The following SCG5 variants were observed in gnomAD, a reference collection of about 807,000 sequenced individuals.
SCG5 encodes the protein neuroendocrine protein 7B2.
In SCG5, 18 loss-of-function variants were observed where a neutral mutation model predicts 25.7. The ratio of observed to expected loss-of-function variants is 0.70; its 90% CI spans 0.48 to 1.04. The LOEUF is 1.04. Among genes scored for constraint, SCG5 ranks in the 50% least tolerant of loss-of-function variants. SCG5 has a pLI of 0.00. For synonymous variants in SCG5, 101 were observed against 91.7 expected (o/e 1.10, Z -0.58); for missense variants, 206 against 259.8 (o/e 0.79, Z 1.42).
At chr15:32,694,456 TTAA>T (rs1320404993) in intron 5 of SCG5, among the ~76,000 whole-genome samples, 1 of 152,230 alleles carries the variant, frequency 6.6e-6, no homozygotes, top group African/African-American at 2.4e-5. Context: ...CTGTATCTTG[TTAA>T]TATTTGAGCT....
rs2054257907 is a variant in SCG5 at position 32,663,067 on chromosome 15, AT to A, written c.227-16698del. 4.6e-4 allele frequency among the ~76,000 whole-genome samples: 24 copies of A among 52,380 alleles called. 1 individual carries two copies. Among genetic ancestry groups the A allele is most frequent in the South Asian group, 3.4e-3 (5 of 1,460 alleles). The allele number at this position is 52,380 out of a possible 152,430, so 34.4% of individuals were successfully genotyped here. A position where few individuals can be genotyped will look rare whatever the true frequency, so the allele number is the denominator to read the frequency against. ...TATATATATATATATATATATATAT[AT>A]ATATATATATAATATATAATATGTT... On this transcript the variant is annotated intron_variant, in intron 2 of 5. Coordinates refer to ENST00000300175, the MANE Select transcript of SCG5 (RefSeq NM_001144757.3).
At chr15:32,679,338 G>T (rs1461243310) in intron 2 of SCG5, among the ~76,000 whole-genome samples, 1 of 152,136 alleles carries the variant, frequency 6.6e-6, no homozygotes, top group Non-Finnish European at 1.5e-5. Flanking sequence ...GGGATTACAG[G>T]CACCTGCCAC....
intron 2 of SCG5, among the ~76,000 whole-genome samples, chr15:32,645,804 T>C (rs1428208461): frequency 1.3e-5 from 2 of 152,176 alleles, no homozygotes; most frequent in Non-Finnish European, 2.9e-5. Context: ...CTTGGAATAA[T>C]GTGCTTAACA....
At chr15:32,689,392 C>CTAT (rs1387566993) in intron 4 of SCG5, among the ~76,000 whole-genome samples, 1 of 152,106 alleles carries the variant, frequency 6.6e-6, no homozygotes, top group Non-Finnish European at 1.5e-5. Context: ...ACCTAATTAG[C>CTAT]TATTCCATCT....
intron 4 of SCG5, among the ~76,000 whole-genome samples, chr15:32,689,265 T>C (rs1057376148): frequency 6.6e-6 from 1 of 152,206 alleles, no homozygotes. Context: ...ATGCATATTA[T>C]TATGTATTCT....
At chr15:32,682,978 C>T (rs2054646513) in intron 3 of SCG5, among the ~76,000 whole-genome samples, 1 of 152,178 alleles carries the variant, frequency 6.6e-6, no homozygotes, top group African/African-American at 2.4e-5. Flanking sequence ...AGGGCCCACT[C>T]AGAGGTACAC....
chr15:32,695,294 C>T (rs550431105), intron 5 of SCG5, among the ~76,000 whole-genome samples: 7 of 152,234 alleles, frequency 4.6e-5, no homozygotes, highest in Admixed American at 3.3e-4. Context: ...GGATTACAGG[C>T]GTGAGCCACC....
At chr15:32,688,642 G>T (rs28417809) in intron 4 of SCG5, among the ~76,000 whole-genome samples, 19,936 of 152,106 alleles carry the variant, frequency 0.13, 1,771 homozygotes, top group East Asian at 0.43. Context: ...TGCCCTCCAG[G>T]TTTCTCTGGT....
chr15:32,663,348 A>G (rs1365062491), intron 2 of SCG5, among the ~76,000 whole-genome samples: 1 of 151,806 alleles, frequency 6.6e-6, no homozygotes, highest in Non-Finnish European at 1.5e-5. Context: ...CAGACCCTGG[A>G]AACCACTACT....
At position 32,696,716 on chromosome 15, in the gene SCG5, T is replaced by C; in HGVS notation, c.*107T>C. 1 of 684,728 alleles carries C rather than the reference T, an allele frequency of 1.5e-6. No homozygotes were observed. The highest frequency in any genetic ancestry group is 2.7e-5 in the East Asian group (1 of 36,784). 42.4% of individuals were successfully genotyped at this position (684,728 alleles called of 1,614,324 possible). ...AATGACAGCATGTTTCTTACATAGA[T>C]AATTATGGATACAAAGCAGCTGTAT... On this transcript the variant is annotated 3_prime_UTR_variant, in exon 6 of 6. Coordinates refer to ENST00000300175, the MANE Select transcript of SCG5 (RefSeq NM_001144757.3).
chr15:32,672,607 G>A (rs2054450258), intron 2 of SCG5, among the ~76,000 whole-genome samples: 1 of 144,550 alleles, frequency 6.9e-6, no homozygotes, highest in Admixed American at 7.2e-5. Context: ...CAGGTACCCC[G>A]ACAGGTCATT....
intron 2 of SCG5, among the ~76,000 whole-genome samples, chr15:32,661,740 C>T (rs753813699): frequency 1.2e-4 from 18 of 152,156 alleles, no homozygotes; most frequent in Non-Finnish European, 2.4e-4. Flanking sequence ...TGCCATCACA[C>T]ACTCGGAGGG....
intron 2 of SCG5, among the ~76,000 whole-genome samples, chr15:32,667,801 T>A (rs2054346615): frequency 6.6e-6 from 1 of 151,654 alleles, no homozygotes; most frequent in South Asian, 2.1e-4. Context: ...GCCTTTCGAG[T>A]AACTGGGACT....
At chr15:32,692,158 GA>G in intron 5 of SCG5, 2 of 1,042,966 alleles carry the variant, frequency 1.9e-6, no homozygotes, top group Non-Finnish European at 2.3e-6. Flanking sequence ...ACACAGGACA[GA>G]AACAGGGAAG....
intron 2 of SCG5, among the ~76,000 whole-genome samples, chr15:32,667,927 G>A (rs544385735): frequency 2.0e-5 from 3 of 152,188 alleles, no homozygotes; most frequent in South Asian, 2.1e-4. Context: ...CACCCGCTTC[G>A]GCCTCCCAAA....
chr15:32,643,570 G>A lies in SCG5; in HGVS notation c.-7-16G>A. The A allele has an allele frequency of 6.4e-7, 1 of 1,563,974 alleles. No homozygotes were observed. Among genetic ancestry groups the A allele is most frequent in the Middle Eastern group, 1.7e-4 (1 of 5,954 alleles). ...GATTGTAGCCTATCAGTATACATTT[G>A]GTCTTTTATCTGCAGGTTGACAATG... On this transcript the variant is annotated splice_polypyrimidine_tract_variant and intron_variant, in intron 1 of 5. Coordinates refer to ENST00000300175, the MANE Select transcript of SCG5 (RefSeq NM_001144757.3).
At chr15:32,666,541 G>A (rs550874006) in intron 2 of SCG5, 1 of 152,308 alleles carries the variant, frequency 6.6e-6, no homozygotes, top group African/African-American at 2.4e-5. Context: ...GTTTGTACCA[G>A]TTAATCTTCT....
In SCG5 at chr15:32,674,520, G is replaced by A. The variant is rs534032905; in HGVS notation, c.227-5246G>A. Among the ~76,000 whole-genome samples, 7 of 152,320 alleles carry A rather than the reference G, an allele frequency of 4.6e-5. No individual in the cohort carries two copies. In the South Asian group the frequency reaches 1.2e-3, roughly 27 times the overall value. The stretch of plus-strand genomic sequence containing the variant: ...TTCTGTTTACTAGGTACTAACAACT[G>A]ATCTTCAAAATCATAGAGACAGGAA... On this transcript the variant is annotated intron_variant, in intron 2 of 5. Coordinates refer to ENST00000300175, the MANE Select transcript of SCG5 (RefSeq NM_001144757.3).
chr15:32,659,365 C>T (rs1262434414), intron 2 of SCG5, among the ~76,000 whole-genome samples: 1 of 152,146 alleles, frequency 6.6e-6, no homozygotes, highest in African/African-American at 2.4e-5. Flanking sequence ...GTGTCAGACA[C>T]GGACTTCTCA....
Sources: gnomAD v4.1 joint callset for allele counts (sites outside exome capture counted in the v4.1 genomes callset) on GRCh38, gnomAD v4.1.1 for gene constraint, MANE v1.5 for transcripts, NCBI Gene and HGNC (gene_info 2026-07-23, HGNC 2026-07-21) for gene names.